LORICRIN: variants seen among roughly 807,000 people sequenced by gnomAD.
LORICRIN encodes loricrin cornified envelope precursor protein.
A neutral mutation model predicts 3.3 loss-of-function variants in LORICRIN; 5 were observed. That is an observed-to-expected ratio of 1.52 (90% CI 0.79 to 3.19). The LOEUF is 3.19. LORICRIN is among the 30% of genes most tolerant of loss of function. LORICRIN has a pLI of 0.00. For missense variants in LORICRIN, 524 were observed against 460.2 expected, an observed-to-expected ratio of 1.14 and a Z score of -1.27; for synonymous variants, 237 against 231.4, an observed-to-expected ratio of 1.02 and a Z score of -0.22.
In LORICRIN at chr1:153,261,220, T is replaced by A. The variant is rs886714045; in HGVS notation, c.271T>A (p.Ser91Thr). 1.5e-6 allele frequency: 2 copies of A among 1,358,130 alleles called. No individual in the cohort carries two copies. Among genetic ancestry groups the A allele is most frequent in the Admixed American group, 7.5e-5 (2 of 26,590 alleles). The allele number at this position is 1,358,130 out of a possible 1,614,324, so 84.1% of individuals were successfully genotyped here. Residue 91 changes from serine (S) to threonine (T), a missense_variant, in exon 2 of 2, where the codon TCC becomes ACC. Physicochemically the swap from Ser to Thr is moderately conservative, Grantham distance 58. Transcript: ENST00000368742. Reference sequence around the variant, plus strand: ...GGGCTCCGGTGGGAGCGTCAAGTACTCCGGAGGCGGCGGCTCCTCCGGCGG... The same window carrying A: ...GGGCTCCGGTGGGAGCGTCAAGTACACCGGAGGCGGCGGCTCCTCCGGCGG... ...GGGSGGSVKY[S>T]GGGGSSGGGS...
In LORICRIN at chr1:153,261,720, C is replaced by T; in HGVS notation, c.771C>T (p.Ser257=). ...GCTCCGGCTGCGGCGGCGGCTCCTC[C>T]GGGATTGGCAGCGGCTGCATCATCA... The part of the protein sequence containing the change: ...GGSSGCGGGS[S]GIGSGCIISG... Residue 257 remains serine, a synonymous_variant, in exon 2 of 2, where the codon TCC becomes TCT. Coordinates refer to ENST00000368742, the MANE Select transcript of LORICRIN (RefSeq NM_000427.3). 2 of 1,563,752 alleles carry T rather than the reference C, an allele frequency of 1.3e-6. No individual in the cohort carries two copies. The highest frequency in any genetic ancestry group is 2.4e-5 in the East Asian group (1 of 41,348).
intron 1 of LORICRIN, 65 bp downstream of exon 1, chr1:153,259,798 G>GATGGACC (rs1448477479): frequency 2.0e-5 from 3 of 152,308 alleles, no homozygotes; most frequent in Non-Finnish European, 2.9e-5. Context: ...GACTAGATTA[G>GATGGACC]ATGGACCAGG....
At position 153,261,388 on chromosome 1, in the gene LORICRIN, G is replaced by C; in HGVS notation, c.439G>C (p.Gly147Arg). Residue 147 changes from glycine to arginine, a missense_variant, in exon 2 of 2, where the codon GGC (glycine) becomes CGC (arginine). Coordinates refer to ENST00000368742, the MANE Select transcript of LORICRIN (RefSeq NM_000427.3). ...SGGGSGCFSS[G>R]GGGFSGQAVQ... ...GGGCGGCTCCGGCTGCTTCTCCTCC[G>C]GCGGCGGCGGCTTCTCGGGCCAGGC... 2 of 1,489,628 alleles carry C rather than the reference G, an allele frequency of 1.3e-6. No individual in the cohort carries two copies. The allele number at this position is 1,489,628 out of a possible 1,614,324, so 92.3% of individuals were successfully genotyped here.
At chr1:153,260,833 C>A in intron 1 of LORICRIN, 94 bp from the exon 2 acceptor site, 1 of 884,736 alleles carries the variant, frequency 1.1e-6, no homozygotes, top group Non-Finnish European at 1.8e-6. Flanking sequence ...CCTGAAGGAG[C>A]CCTGGGAGGA....
chr1:153,261,151 T>C lies in LORICRIN; in HGVS notation c.202T>C (p.Ser68Pro). The C allele has an allele frequency of 7.6e-7, 1 of 1,309,460 alleles. No individual in the cohort carries two copies. Among genetic ancestry groups the C allele is most frequent in the Non-Finnish European group, 9.6e-7 (1 of 1,040,312 alleles). The allele number at this position is 1,309,460 out of a possible 1,614,324, so 81.1% of individuals were successfully genotyped here. ...CTCTGGCGGCGGCTGCGGCGGGGGC[T>C]CCTCCGGCGGCGGGGGCGGGGGCGG... ...GYSGGGCGGGSSGGGGGGGIG... is the reference protein window; with the variant it reads ...GYSGGGCGGGPSGGGGGGGIG... Residue 68 changes from serine (S) to proline (P), a missense_variant, in exon 2 of 2, where the codon TCC becomes CCC. Ser to Pro is a moderately conservative substitution (Grantham distance 74). Transcript: ENST00000368742.
In LORICRIN at chr1:153,261,593, C is replaced by T; in HGVS notation, c.644C>T (p.Thr215Ile). ...GGCTACGTCTCCTCGCAGCAGGTCA[C>T]TCAGACCTCGTGCGCGCCCCAGCCG... ...GSGYVSSQQV[T>I]QTSCAPQPSY... The change falls in exon 2 of 2, where the codon ACT (threonine) becomes ATT (isoleucine). Residue 215 changes from threonine to isoleucine, a missense_variant. Coordinates refer to ENST00000368742, the MANE Select transcript of LORICRIN (RefSeq NM_000427.3). 6.6e-7 allele frequency: 1 copy of T among 1,519,634 alleles called. No homozygotes were observed. Among genetic ancestry groups the T allele is most frequent in the Non-Finnish European group, 8.8e-7 (1 of 1,142,004 alleles). 94.1% of individuals were successfully genotyped at this position (1,519,634 alleles called of 1,614,324 possible). A position where few individuals can be genotyped will look rare whatever the true frequency, so the allele number is the denominator to read the frequency against.
In LORICRIN at chr1:153,261,082, G is replaced by A; in HGVS notation, c.133G>A (p.Gly45Ser). The A allele has an allele frequency of 1.3e-6, 2 of 1,487,338 alleles. No homozygotes were observed. The highest frequency in any genetic ancestry group is 1.3e-5 in the South Asian group (1 of 79,200). 92.1% of individuals were successfully genotyped at this position (1,487,338 alleles called of 1,614,324 possible). A position where few individuals can be genotyped will look rare whatever the true frequency, so the allele number is the denominator to read the frequency against. Residue 45 changes from glycine to serine, a missense_variant, in exon 2 of 2, where the codon GGT becomes AGT. Transcript: ENST00000368742. Reference protein sequence around the residue: ...GFFGGGGSGGGSSGSGCGYSG... With the variant: ...GFFGGGGSGGSSSGSGCGYSG... ...CTTCGGCGGCGGCGGCTCAGGGGGC[G>A]GTAGCAGCGGTTCTGGCTGCGGCTA...
In LORICRIN at chr1:153,261,633, G is replaced by A. The variant is rs1215672050; in HGVS notation, c.684G>A (p.Gly228=). 2.0e-6 allele frequency: 3 copies of A among 1,485,370 alleles called. No homozygotes were observed. Among genetic ancestry groups the A allele is most frequent in the Non-Finnish European group, 1.8e-6 (2 of 1,126,648 alleles). The allele number at this position is 1,485,370 out of a possible 1,614,324, so 92.0% of individuals were successfully genotyped here. Residue 228 remains glycine, a synonymous_variant, in exon 2 of 2, where the codon GGG becomes GGA. Transcript: ENST00000368742. ...SCAPQPSYGG[G]SSGGGGSGGS... ...CGCCCCAGCCGAGTTACGGAGGGGG[G>A]TCGTCCGGCGGCGGCGGCAGCGGCG...
rs1370612479 is a variant in LORICRIN, at chr1:153,261,160, G to C, written c.211G>C (p.Gly71Arg). ...GGGCGGGSSG[G>R]GGGGGIGGCG... ...CGGCTGCGGCGGGGGCTCCTCCGGCGGCGGGGGCGGGGGCGGCATTGGAGG... is the reference window on the plus strand; with the variant it reads ...CGGCTGCGGCGGGGGCTCCTCCGGCCGCGGGGGCGGGGGCGGCATTGGAGG... The change falls in exon 2 of 2, where the codon GGC becomes CGC. Residue 71 changes from glycine to arginine, a missense_variant. By Grantham distance (125) the Gly-to-Arg change is moderately radical. Coordinates refer to ENST00000368742, the MANE Select transcript of LORICRIN (RefSeq NM_000427.3). 51 of 1,340,864 alleles carry C rather than the reference G, an allele frequency of 3.8e-5. No homozygotes were observed. The African/African-American group carries it at 7.9e-4, about 21-fold the overall frequency. The allele number at this position is 1,340,864 out of a possible 1,614,324, so 83.1% of individuals were successfully genotyped here.
At position 153,261,326 on chromosome 1, in the gene LORICRIN, C is replaced by T; in HGVS notation, c.377C>T (p.Ser126Phe). Residue 126 changes from serine (S) to phenylalanine (F), a missense_variant, in exon 2 of 2, where the codon TCC becomes TTC. Coordinates refer to ENST00000368742, the MANE Select transcript of LORICRIN (RefSeq NM_000427.3). ...GGCGGCGGCTCCTCCGGGGGCGGCT[C>T]CGGCTGCTTCTCCAGCGGTGGGGGC... ...SGGGGSSGGG[S>F]GCFSSGGGGS... 6.9e-7 allele frequency: 1 copy of T among 1,440,724 alleles called. No homozygotes were observed. Among genetic ancestry groups the T allele is most frequent in the Non-Finnish European group, 9.0e-7 (1 of 1,105,380 alleles). 89.2% of individuals were successfully genotyped at this position (1,440,724 alleles called of 1,614,324 possible).
intron 1 of LORICRIN, among the ~76,000 whole-genome samples, chr1:153,260,231 TC>T (rs1345578116): frequency 1.3e-5 from 2 of 152,180 alleles, no homozygotes; most frequent in African/African-American, 4.8e-5. Flanking sequence ...CTAGTCAAAG[TC>T]CCTTCTACCA....
Position 153,260,821 on chromosome 1 carries a change from C to A in LORICRIN, c.-23-106C>A, listed in dbSNP as rs953025605. ...GAAACCCCGCTGAGGGCTCTCCGGGCACCTGAAGGAGCCCTGGGAGGATGG... is the reference window on the plus strand; with the variant it reads ...GAAACCCCGCTGAGGGCTCTCCGGGAACCTGAAGGAGCCCTGGGAGGATGG... On this transcript the variant is annotated intron_variant, in intron 1 of 1. Coordinates refer to ENST00000368742, the MANE Select transcript of LORICRIN (RefSeq NM_000427.3). 5 of 728,760 alleles carry A rather than the reference C, an allele frequency of 6.9e-6. No homozygotes were observed. The African/African-American group carries it at 9.2e-5, about 13-fold the overall frequency. 45.1% of individuals were successfully genotyped at this position (728,760 alleles called of 1,614,324 possible).
Position 153,261,840 on chromosome 1 carries a change from C to A in LORICRIN, c.891C>A (p.Ile297=). 6.2e-7 allele frequency: 1 copy of A among 1,611,528 alleles called. No homozygotes were observed. Among genetic ancestry groups the A allele is most frequent in the Non-Finnish European group, 8.5e-7 (1 of 1,179,504 alleles). ...CCGGGAGTGGCAAGGGCGTCCCGATCTGCCACCAGACCCAGCAGAAGCAGG... is the reference window on the plus strand; with the variant it reads ...CCGGGAGTGGCAAGGGCGTCCCGATATGCCACCAGACCCAGCAGAAGCAGG... ...GGSGSGKGVP[I]CHQTQQKQAP... The change falls in exon 2 of 2, where the codon ATC becomes ATA. Residue 297 remains isoleucine (I), a synonymous_variant. Coordinates refer to ENST00000368742, the MANE Select transcript of LORICRIN (RefSeq NM_000427.3).
chr1:153,261,189 C>G lies in LORICRIN; in HGVS notation c.240C>G (p.Cys80Trp). The change falls in exon 2 of 2, where the codon TGC (cysteine) becomes TGG (tryptophan). Residue 80 changes from cysteine to tryptophan, a missense_variant. Cys to Trp is a radical substitution (Grantham distance 215). Coordinates refer to ENST00000368742, the MANE Select transcript of LORICRIN (RefSeq NM_000427.3). ...GGGGGGGIGG[C>W]GGGSGGSVKY... Reference sequence around the variant, plus strand: ...GGGGCGGGGGCGGCATTGGAGGCTGCGGAGGGGGCTCCGGTGGGAGCGTCA... The same window carrying G: ...GGGGCGGGGGCGGCATTGGAGGCTGGGGAGGGGGCTCCGGTGGGAGCGTCA... 7.5e-7 allele frequency: 1 copy of G among 1,331,382 alleles called. No individual in the cohort carries two copies. 82.5% of individuals were successfully genotyped at this position (1,331,382 alleles called of 1,614,324 possible). A position where few individuals can be genotyped will look rare whatever the true frequency, so the allele number is the denominator to read the frequency against.
chr1:153,261,186 C>T lies in LORICRIN; in HGVS notation c.237C>T (p.Gly79=). ...GCGGGGGCGGGGGCGGCATTGGAGGCTGCGGAGGGGGCTCCGGTGGGAGCG... is the reference window on the plus strand; with the variant it reads ...GCGGGGGCGGGGGCGGCATTGGAGGTTGCGGAGGGGGCTCCGGTGGGAGCG... The part of the protein sequence containing the change: ...SGGGGGGGIG[G]CGGGSGGSVK... Residue 79 remains glycine (G), a synonymous_variant, in exon 2 of 2, where the codon GGC becomes GGT. Transcript: ENST00000368742. 1 of 1,359,262 alleles carries T rather than the reference C, an allele frequency of 7.4e-7. No individual in the cohort carries two copies. The highest frequency in any genetic ancestry group is 9.4e-7 in the Non-Finnish European group (1 of 1,066,720). 84.2% of individuals were successfully genotyped at this position (1,359,262 alleles called of 1,614,324 possible).
rs768661077 is a variant in LORICRIN at position 153,259,743 on chromosome 1, G to A, written c.-24+10G>A. On this transcript the variant is annotated intron_variant, in intron 1 of 1. Transcript: ENST00000368742. ...CTTCCTGGTGCTTTGGGTAAGTGTG[G>A]TTCTACTGACTCTCTCATTTTCCCA... 1 of 152,542 alleles carries A rather than the reference G, an allele frequency of 6.6e-6. No homozygotes were observed. The highest frequency in any genetic ancestry group is 2.4e-5 in the African/African-American group (1 of 41,444). 9.4% of individuals were successfully genotyped at this position (152,542 alleles called of 1,614,324 possible). A position where few individuals can be genotyped will look rare whatever the true frequency, so the allele number is the denominator to read the frequency against.
At chr1:153,260,842 G>T in intron 1 of LORICRIN, 85 bp from the exon 2 acceptor site, 1 of 967,946 alleles carries the variant, frequency 1.0e-6, no homozygotes, top group South Asian at 1.5e-5. Flanking sequence ...GCCCTGGGAG[G>T]ATGGCGATGT....
intron 1 of LORICRIN, 73 bp from the exon 2 acceptor site, chr1:153,260,854 G>A: frequency 2.8e-6 from 3 of 1,090,878 alleles, no homozygotes; most frequent in African/African-American, 3.2e-5. Context: ...TGGCGATGTT[G>A]CCTATGGATG....
intron 1 of LORICRIN, among the ~76,000 whole-genome samples, chr1:153,260,495 T>C (rs184174316): frequency 4.6e-5 from 7 of 152,300 alleles, no homozygotes; most frequent in Admixed American, 3.3e-4. Flanking sequence ...CTCTCTGTTG[T>C]GCTGGGAATG....
Sources: allele counts gnomAD v4.1 joint callset (sites outside exome capture counted in the v4.1 genomes callset), GRCh38; gene constraint gnomAD v4.1.1; transcripts MANE v1.5; gene names NCBI Gene and HGNC (gene_info 2026-07-23, HGNC 2026-07-21).